Variants in PPP2R5C observed in about 807,000 individuals in gnomAD.
PPP2R5C encodes serine/threonine-protein phosphatase 2A 56 kDa regulatory subunit gamma isoform.
In PPP2R5C, 7 loss-of-function variants were observed where a neutral mutation model predicts 68.9. The ratio of observed to expected loss-of-function variants is 0.10; its 90% CI spans 0.06 to 0.19. The LOEUF (loss-of-function observed/expected upper bound fraction) is 0.19. Among genes scored for constraint, PPP2R5C ranks in the 10% least tolerant of loss-of-function variants. The pLI is 1.00. For synonymous variants in PPP2R5C, 210 were observed against 222.2 expected, an observed-to-expected ratio of 0.95 and a Z score of 0.49; for missense variants, 348 against 641.3, an observed-to-expected ratio of 0.54 and a Z score of 4.94.
intron 1 of PPP2R5C, among the ~76,000 whole-genome samples, chr14:101,839,918 C>T (rs1366813640): frequency 2.0e-5 from 3 of 151,928 alleles, no homozygotes; most frequent in Non-Finnish European, 4.4e-5. Flanking sequence ...GCAGTGTTCT[C>T]TCTGGGTTGG....
At chr14:101,811,070 C>T (rs924914080) in intron 1 of PPP2R5C, among the ~76,000 whole-genome samples, 2 of 152,118 alleles carry the variant, frequency 1.3e-5, no homozygotes, top group African/African-American at 4.8e-5. Context: ...AAACGCCAGG[C>T]CAGACTTTTC....
chr14:101,762,242 C>G (rs1340741510), intron 1 of PPP2R5C, among the ~76,000 whole-genome samples: 2 of 151,950 alleles, frequency 1.3e-5, no homozygotes, highest in Non-Finnish European at 2.9e-5. Context: ...TTTCCGACAG[C>G]GCGCCGTGGG....
intron 3 of PPP2R5C, chr14:101,796,761 C>T (rs1300806190): frequency 1.1e-5 from 2 of 188,316 alleles, no homozygotes; most frequent in African/African-American, 4.7e-5. Flanking sequence ...TAGTTTCCAG[C>T]TGCCAGCTGT....
chr14:101,777,561 G>A (rs1265254601), intron 2 of PPP2R5C, among the ~76,000 whole-genome samples: 1 of 152,088 alleles, frequency 6.6e-6, no homozygotes, highest in East Asian at 1.9e-4. Flanking sequence ...TGTTGGCCAG[G>A]CTGGTCTCAA....
intron 1 of PPP2R5C, among the ~76,000 whole-genome samples, chr14:101,853,862 G>A (rs769098203): frequency 6.6e-6 from 1 of 152,134 alleles, no homozygotes; most frequent in African/African-American, 2.4e-5. Context: ...TGTGCATAGC[G>A]TGGCTCTTAG....
chr14:101,827,853 T>G (rs2040488752), intron 1 of PPP2R5C, among the ~76,000 whole-genome samples: 1 of 152,218 alleles, frequency 6.6e-6, no homozygotes, highest in African/African-American at 2.4e-5. Flanking sequence ...TTATTCCATG[T>G]ACAGGACTAT....
At chr14:101,904,088 C>T (rs76643379) in intron 9 of PPP2R5C, among the ~76,000 whole-genome samples, 17,917 of 152,168 alleles carry the variant, frequency 0.12, 1,506 homozygotes, top group East Asian at 0.3. Context: ...CTAAATCAGG[C>T]TTAAAATATT....
chr14:101,785,942 G>T, intron 2 of PPP2R5C, 76 bp from the exon 3 acceptor site: 2 of 1,335,730 alleles, frequency 1.5e-6, no homozygotes, highest in African/African-American at 1.5e-5. Flanking sequence ...TCATGTATAT[G>T]TTTTTCTATA....
chr14:101,858,922 T>C (rs147423182), intron 2 of PPP2R5C, among the ~76,000 whole-genome samples: 3 of 152,328 alleles, frequency 2.0e-5, no homozygotes, highest in Non-Finnish European at 4.4e-5. Context: ...CTGGCACCAC[T>C]TAGGATACTT....
At chr14:101,811,279 T>G (rs2039344059) in intron 1 of PPP2R5C, among the ~76,000 whole-genome samples, 1 of 152,222 alleles carries the variant, frequency 6.6e-6, no homozygotes, top group South Asian at 2.1e-4. Flanking sequence ...TTCAGGTATT[T>G]TAGCTGCAAG....
At chr14:101,767,143 C>G (rs977221698) in intron 2 of PPP2R5C, 8 of 152,200 alleles carry the variant, frequency 5.3e-5, no homozygotes, top group Non-Finnish European at 1.0e-4. Context: ...CTCTCCAACT[C>G]GTTAGCTAGC....
chr14:101,900,418 CG>C (rs1030421595), intron 8 of PPP2R5C, among the ~76,000 whole-genome samples: 1 of 152,176 alleles, frequency 6.6e-6, no homozygotes, highest in African/African-American at 2.4e-5. Flanking sequence ...CAGGCGGTCC[CG>C]GGGGCCAGCA....
intron 2 of PPP2R5C, among the ~76,000 whole-genome samples, chr14:101,774,570 C>T (rs972628826): frequency 2.6e-5 from 4 of 152,294 alleles, no homozygotes; most frequent in Admixed American, 2.0e-4. Context: ...CTCCCTCCAG[C>T]CCCACGCTGC....
intron 2 of PPP2R5C, among the ~76,000 whole-genome samples, chr14:101,772,472 A>G (rs2037199712): frequency 6.6e-6 from 1 of 152,116 alleles, no homozygotes; most frequent in African/African-American, 2.4e-5. Context: ...TTTTGGGTTC[A>G]AAACACAAAA....
At position 101,845,936 on chromosome 14, in the gene PPP2R5C, G is replaced by T. The variant is rs377717475; in HGVS notation, c.95-10750G>T. Among the ~76,000 whole-genome samples the T allele has an allele frequency of 1.8e-4, 27 of 152,254 alleles. 1 individual carries two copies. The highest frequency in any genetic ancestry group is 1.2e-3 in the Admixed American group (18 of 15,296). ...TGTAGAAACTGCAGACCAGCCCCACGTTACCAAATTTATACCCAAATGAAG... is the reference window on the plus strand; with the variant it reads ...TGTAGAAACTGCAGACCAGCCCCACTTTACCAAATTTATACCCAAATGAAG... On this transcript the variant is annotated intron_variant, in intron 1 of 13. Transcript: ENST00000334743.
exon 14 of PPP2R5C, chr14:101,925,407 G>C (rs1484914314): frequency 4.3e-6 from 6 of 1,384,662 alleles, no homozygotes; most frequent in Non-Finnish European, 5.7e-6. Context: ...AATAACGTGC[G>C]TCCGCCTCAG....
rs1226773567 is a variant in PPP2R5C, at chr14:101,825,694, T to C, written c.94+15658T>C. On this transcript the variant is annotated intron_variant, in intron 1 of 13. Coordinates refer to ENST00000334743, the Ensembl canonical transcript of PPP2R5C. This position sits in a 1 kb window ranked among gnomAD's most constrained non-coding sequence, Gnocchi z 4.0. ...TTTGTTGTATTTCAGATATTCTCAC[T>C]GTGTAGTTAGCCTGTTCAGTTTTTG... Among the ~76,000 whole-genome samples the C allele has an allele frequency of 1.3e-5, 2 of 152,354 alleles. No homozygotes were observed. Among genetic ancestry groups the C allele is most frequent in the East Asian group, 3.9e-4 (2 of 5,194 alleles).
At chr14:101,836,617 AAG>A in intron 1 of PPP2R5C, 1 of 488,086 alleles carries the variant, frequency 2.0e-6, no homozygotes. Flanking sequence ...GCAAAGCTTA[AAG>A]ATTATTTCTA....
At position 101,762,885 on chromosome 14, in the gene PPP2R5C, C is replaced by T. The variant is rs183064843; in HGVS notation, c.28-20C>T. ...TCTAAAAAGTGAGAAGACTAATTGA[C>T]TTTGCTTGATGTTTACCAGGAATCA... On this transcript the variant is annotated intron_variant, in intron 1 of 14. Coordinates refer to the PPP2R5C transcript ENST00000328724. 4.1e-4 allele frequency: 649 copies of T among 1,571,468 alleles called. 2 individuals carry two copies. In the African/African-American group the frequency reaches 8.0e-3, roughly 19 times the overall value.
Sources: gnomAD v4.1 joint callset for allele counts (sites outside exome capture counted in the v4.1 genomes callset) on GRCh38, gnomAD v4.1.1 for gene constraint, Gnocchi (gnomAD v3.1) non-coding constraint, MANE v1.5 for transcripts, NCBI Gene and HGNC (gene_info 2026-07-23, HGNC 2026-07-21) for gene names.